The following SC5D variants were observed in gnomAD, a reference collection of about 807,000 sequenced individuals.
The protein encoded by SC5D is sterol-C5-desaturase.
In SC5D, 21 loss-of-function variants were observed where a neutral mutation model predicts 23.9. The observed-to-expected ratio is 0.88, with a 90% confidence interval of 0.62 to 1.26. SC5D has a LOEUF of 1.26. Ranked by LOEUF, SC5D falls within the 50% of genes most tolerant of loss-of-function variation. The pLI is 0.00. For missense variants in SC5D, 309 were observed against 364.8 expected (o/e 0.85, Z 1.25); for synonymous variants, 113 against 125.9 (o/e 0.90, Z 0.68).
chr11:121,310,603 G>A lies in SC5D; in HGVS notation c.*3091G>A, dbSNP rs1432600375. Among the ~76,000 whole-genome samples, 3 of 152,058 alleles carry A rather than the reference G, an allele frequency of 2.0e-5. No homozygotes were observed. Among genetic ancestry groups the A allele is most frequent in the Admixed American group, 2.0e-4 (3 of 15,278 alleles). ...CTCCCGAGTAGCTGGGACTACAGGT[G>A]CCCGCCACCACCACGCCCGGCTAAT... On this transcript the variant is annotated 3_prime_UTR_variant, in exon 5 of 5. Transcript: ENST00000264027.
intron 1 of SC5D, 76 bp from the exon 2 acceptor site, chr11:121,303,290 T>C (rs1947938200): frequency 1.8e-6 from 2 of 1,091,606 alleles, no homozygotes; most frequent in Non-Finnish European, 1.4e-6. Flanking sequence ...GAACTTGAGA[T>C]ATAGTGTTTC....
chr11:121,308,189 A>G lies in SC5D; in HGVS notation c.*677A>G, dbSNP rs1947982141. ...AATAAATTGGAATTTAAAAATATCGATATCACCATGATTTAATCCAGATCT... is the reference window on the plus strand; with the variant it reads ...AATAAATTGGAATTTAAAAATATCGGTATCACCATGATTTAATCCAGATCT... On this transcript the variant is annotated 3_prime_UTR_variant, in exon 5 of 5. Coordinates refer to ENST00000264027, the MANE Select transcript of SC5D (RefSeq NM_006918.5). 1 of 152,218 alleles carries G rather than the reference A, an allele frequency of 6.6e-6. No homozygotes were observed. The highest frequency in any genetic ancestry group is 1.5e-5 in the Non-Finnish European group (1 of 68,044). The allele number at this position is 152,218 out of a possible 1,614,324, so 9.4% of individuals were successfully genotyped here. A position where few individuals can be genotyped will look rare whatever the true frequency, so the allele number is the denominator to read the frequency against.
chr11:121,295,667 T>C (rs1376206262), intron 1 of SC5D, among the ~76,000 whole-genome samples: 1 of 152,158 alleles, frequency 6.6e-6, no homozygotes, highest in Non-Finnish European at 1.5e-5. Flanking sequence ...CCAGCCTGAC[T>C]TTTCTCTTAG....
chr11:121,306,213 A>G, intron 3 of SC5D, 173 bp from the exon 4 acceptor site: 3 of 603,900 alleles, frequency 5.0e-6, no homozygotes, highest in Non-Finnish European at 3.0e-6. Context: ...GGAAATGACC[A>G]GATTCCAAGA....
At chr11:121,304,214 T>C (rs2134268196) in intron 2 of SC5D, 147 bp from the exon 3 acceptor site, 4 of 666,984 alleles carry the variant, frequency 6.0e-6, no homozygotes, top group Non-Finnish European at 1.0e-5. Context: ...TACCTATTTT[T>C]ATGTATTTAA....
chr11:121,296,667 AT>A (rs1947891834), intron 1 of SC5D, among the ~76,000 whole-genome samples: 1 of 152,212 alleles, frequency 6.6e-6, no homozygotes, highest in Non-Finnish European at 1.5e-5. Flanking sequence ...TTTAAGACTG[AT>A]TTAGACTGTG....
At chr11:121,298,065 C>T (rs932031392) in intron 1 of SC5D, among the ~76,000 whole-genome samples, 2 of 152,070 alleles carry the variant, frequency 1.3e-5, no homozygotes, top group Admixed American at 6.6e-5. Context: ...TTCAGTGGCA[C>T]GAATATGGCT....
In SC5D at chr11:121,310,377, A is replaced by ATT. The variant is rs1948000146; in HGVS notation, c.*2866_*2867dup. Reference sequence around the variant, plus strand: ...GTAGAGGTGGGGCCTTGAGGAAGTGATTAAGTCATGAGGGCTCTGGGATTA... The same window carrying ATT: ...GTAGAGGTGGGGCCTTGAGGAAGTGATTTTAAGTCATGAGGGCTCTGGGATTA... On this transcript the variant is annotated 3_prime_UTR_variant, in exon 5 of 5. Coordinates refer to ENST00000264027, the MANE Select transcript of SC5D (RefSeq NM_006918.5). Among the ~76,000 whole-genome samples, 2 of 151,698 alleles carry ATT rather than the reference A, an allele frequency of 1.3e-5. No individual in the cohort carries two copies. The highest frequency in any genetic ancestry group is 3.9e-4 in the East Asian group (2 of 5,154).
Position 121,307,496 on chromosome 11 carries a change from T to A in SC5D, c.884T>A (p.Phe295Tyr). The A allele has an allele frequency of 6.3e-7, 1 of 1,598,124 alleles. No individual in the cohort carries two copies. The highest frequency in any genetic ancestry group is 8.5e-7 in the Non-Finnish European group (1 of 1,171,352). The change falls in exon 5 of 5, where the codon TTT (phenylalanine) becomes TAT (tyrosine). Residue 295 changes from phenylalanine to tyrosine, a missense_variant. By Grantham distance (22) the Phe-to-Tyr change is conservative. Transcript: ENST00000264027. ...AATGAAAAATTATTCAATGGAGAGT[T>A]TACAAAGACTGAATAGATTATTGCC... ...CKNEKLFNGEFTKTE is the reference protein window; with the variant it reads ...CKNEKLFNGEYTKTE
Position 121,303,528 on chromosome 11 carries a change from A to G in SC5D, c.153A>G (p.Thr51=). Reference sequence around the variant, plus strand: ...ACATCCTTTATTTCTTCTGTGCAACACTGAGCTATTATTTTGTCTTCGATC... The same window carrying G: ...ACATCCTTTATTTCTTCTGTGCAACGCTGAGCTATTATTTTGTCTTCGATC... ...GAYILYFFCA[T]LSYYFVFDHA... is the part of the protein sequence containing the mutation. Residue 51 remains threonine, a synonymous_variant, in exon 2 of 5, where the codon ACA becomes ACG. Transcript: ENST00000264027. 1 of 1,614,032 alleles carries G rather than the reference A, an allele frequency of 6.2e-7. No homozygotes were observed. Among genetic ancestry groups the G allele is most frequent in the Non-Finnish European group, 8.5e-7 (1 of 1,179,970 alleles).
In SC5D at chr11:121,306,445, T is replaced by C; in HGVS notation, c.403T>C (p.Tyr135His). ...SFLFFTDMFIYWIHRGLHHRL... is the reference protein window; with the variant it reads ...SFLFFTDMFIHWIHRGLHHRL... ...CCTCTTTTTCACTGACATGTTCATC[T>C]ACTGGATTCACAGAGGCCTTCATCA... The change falls in exon 4 of 5, where the codon TAC becomes CAC. Residue 135 changes from tyrosine (Y) to histidine (H), a missense_variant. Physicochemically the swap from Tyr to His is moderately conservative, Grantham distance 83. Transcript: ENST00000264027. 2 of 1,587,984 alleles carry C rather than the reference T, an allele frequency of 1.3e-6. No individual in the cohort carries two copies. The highest frequency in any genetic ancestry group is 1.7e-6 in the Non-Finnish European group (2 of 1,156,192).
intron 3 of SC5D, chr11:121,305,018 T>C (rs550963280): frequency 6.0e-6 from 1 of 168,006 alleles, no homozygotes; most frequent in African/African-American, 2.4e-5. Context: ...GTCAAAAAAA[T>C]CTTGAGATTA....
intron 1 of SC5D, among the ~76,000 whole-genome samples, chr11:121,293,909 C>T (rs1308094364): frequency 3.3e-5 from 5 of 152,114 alleles, no homozygotes; most frequent in African/African-American, 1.2e-4. Flanking sequence ...CTGGTTTTTT[C>T]TGTTATTGTT....
At chr11:121,298,681 A>G (rs1270323227) in intron 1 of SC5D, among the ~76,000 whole-genome samples, 1 of 152,190 alleles carries the variant, frequency 6.6e-6, no homozygotes, top group Non-Finnish European at 1.5e-5. Context: ...GGTGATGGGG[A>G]CATTGCTGAA....
chr11:121,303,999 C>T lies in SC5D; in HGVS notation c.211-362C>T, dbSNP rs184592564. On this transcript the variant is annotated intron_variant, in intron 2 of 4. Transcript: ENST00000264027. ...GTTGTTTACAATCATTTTTAAATTT[C>T]GGTTGTTTGTACTTGTCAGTGACTC... The T allele has an allele frequency of 7.4e-4, 187 of 251,458 alleles. No homozygotes were observed. The Middle Eastern group carries it at 7.6e-3, about 10-fold the overall frequency. 15.6% of individuals were successfully genotyped at this position (251,458 alleles called of 1,614,324 possible).
intron 3 of SC5D, chr11:121,304,730 AT>A: frequency 8.6e-6 from 4 of 467,552 alleles, no homozygotes; most frequent in Non-Finnish European, 1.2e-5. Context: ...GATTGGAGTG[AT>A]CAGAGATGGG....
rs546458364 is a variant in SC5D at position 121,307,264 on chromosome 11, A to G, written c.652A>G (p.Ile218Val). The change falls in exon 5 of 5, where the codon ATC (isoleucine) becomes GTC (valine). Residue 218 changes from isoleucine to valine, a missense_variant. Coordinates refer to ENST00000264027, the MANE Select transcript of SC5D (RefSeq NM_006918.5). Reference protein sequence around the residue: ...IHDGDFRVPQILQPFINGSAH... With the variant: ...IHDGDFRVPQVLQPFINGSAH... ...TGACGGTGATTTTCGTGTCCCCCAA[A>G]TCTTACAGCCATTTATTAATGGCTC... The G allele has an allele frequency of 9.4e-5, 152 of 1,614,128 alleles. 1 individual carries two copies. The South Asian group carries it at 1.7e-3, about 18-fold the overall frequency.
intron 1 of SC5D, among the ~76,000 whole-genome samples, chr11:121,301,615 G>A (rs1947926639): frequency 6.6e-6 from 1 of 152,110 alleles, no homozygotes; most frequent in Non-Finnish European, 1.5e-5. Context: ...CATCCTAGAA[G>A]TTCAACAGTA....
chr11:121,306,831 G>C (rs1250387673), intron 4 of SC5D: 1 of 633,592 alleles, frequency 1.6e-6, no homozygotes, highest in Non-Finnish European at 2.8e-6. Flanking sequence ...CTAAAAGCCA[G>C]ACTTCACCAC....
Sources: allele counts gnomAD v4.1 joint callset (sites outside exome capture counted in the v4.1 genomes callset), GRCh38; gene constraint gnomAD v4.1.1; transcripts MANE v1.5; gene names NCBI Gene and HGNC (gene_info 2026-07-23, HGNC 2026-07-21).